Variants in ADRA1B observed in about 807,000 individuals in gnomAD.
The protein encoded by ADRA1B is adrenoceptor alpha 1B.
Under a neutral mutation model 17.9 loss-of-function variants are expected in ADRA1B, and 17 were observed. That is an observed-to-expected ratio of 0.95 (90% CI 0.65 to 1.42). ADRA1B has a LOEUF of 1.42. ADRA1B is among the 40% of genes most tolerant of loss of function. The pLI is 0.00. For synonymous variants in ADRA1B, 366 were observed against 327.6 expected, an observed-to-expected ratio of 1.12 and a Z score of -1.27; for missense variants, 681 against 722.1, an observed-to-expected ratio of 0.94 and a Z score of 0.65.
At position 159,951,189 on chromosome 5, in the gene ADRA1B, T is replaced by C. The variant is rs1330211517; in HGVS notation, c.950-20690T>C. ...TGCAAGTCAGCCCCAGCCTTCTCCA[T>C]GGTGAAAGACGCTGGTGGACTTCAC... On this transcript the variant is annotated intron_variant, in intron 1 of 1. Coordinates refer to ENST00000306675, the MANE Select transcript of ADRA1B (RefSeq NM_000679.4). The C allele has an allele frequency of 3.9e-6, 3 of 767,664 alleles. No individual in the cohort carries two copies. The Admixed American group carries it at 5.1e-5, about 13-fold the overall frequency. 47.6% of individuals were successfully genotyped at this position (767,664 alleles called of 1,614,324 possible).
chr5:159,938,638 A>G (rs1162152183), intron 1 of ADRA1B, among the ~76,000 whole-genome samples: 1 of 152,250 alleles, frequency 6.6e-6, no homozygotes, highest in Non-Finnish European at 1.5e-5. Context: ...TCAAAGACTA[A>G]TGGGTCATTT....
chr5:159,943,226 A>G (rs1012157861), intron 1 of ADRA1B, among the ~76,000 whole-genome samples: 5 of 151,792 alleles, frequency 3.3e-5, no homozygotes, highest in Non-Finnish European at 7.4e-5. Context: ...AAAAAAAAAC[A>G]ATGAAAAATG....
intron 1 of ADRA1B, among the ~76,000 whole-genome samples, chr5:159,940,594 C>T (rs1447010893): frequency 6.6e-6 from 1 of 152,142 alleles, no homozygotes; most frequent in African/African-American, 2.4e-5. Flanking sequence ...AGTTCCTATA[C>T]CTGTCTCAAT....
Position 159,916,784 on chromosome 5 carries a change from C to G in ADRA1B, c.-122C>G, listed in dbSNP as rs1488411979. ...GCTGCCCGGGGGAGATGACTCCTCGCCAGGAGGGCGCCTCTGGGAAGAAGA... is the reference window on the plus strand; with the variant it reads ...GCTGCCCGGGGGAGATGACTCCTCGGCAGGAGGGCGCCTCTGGGAAGAAGA... On this transcript the variant is annotated 5_prime_UTR_variant, in exon 1 of 2. Transcript: ENST00000306675. The G allele has an allele frequency of 1.2e-5, 12 of 980,018 alleles. No individual in the cohort carries two copies. The highest frequency in any genetic ancestry group is 1.6e-5 in the Non-Finnish European group (11 of 667,896). The allele number at this position is 980,018 out of a possible 1,614,324, so 60.7% of individuals were successfully genotyped here.
the ADRA1B span, among the ~76,000 whole-genome samples, chr5:159,986,292 T>C: frequency 6.6e-6 from 1 of 152,196 alleles, no homozygotes; most frequent in African/African-American, 2.4e-5. Flanking sequence ...AGAGCCCCAC[T>C]ATGTTGCCTA....
chr5:159,979,298 T>A, the ADRA1B span, among the ~76,000 whole-genome samples: 9 of 152,272 alleles, frequency 5.9e-5, no homozygotes, highest in Non-Finnish European at 1.3e-4. Context: ...TAGTTGTGTC[T>A]TCTTGGGCAT....
chr5:159,880,902 G>A (rs993860217), intron 1 of ADRA1B, among the ~76,000 whole-genome samples: 1 of 152,162 alleles, frequency 6.6e-6, no homozygotes, highest in Admixed American at 6.5e-5. Flanking sequence ...TTCTAGGTTA[G>A]GTAAATATCA....
chr5:159,924,952 C>T (rs1754603081), intron 1 of ADRA1B, among the ~76,000 whole-genome samples: 1 of 152,212 alleles, frequency 6.6e-6, no homozygotes, highest in Non-Finnish European at 1.5e-5. Context: ...AGTTCTTTCT[C>T]TGTATTCCCT....
chr5:159,902,186 G>A (rs1754107616), intron 1 of ADRA1B, among the ~76,000 whole-genome samples: 1 of 152,230 alleles, frequency 6.6e-6, no homozygotes, highest in Admixed American at 6.5e-5. Context: ...TCTGATGCAT[G>A]CTACAACATG....
chr5:159,941,011 C>T (rs1755109181), intron 1 of ADRA1B, among the ~76,000 whole-genome samples: 2 of 152,210 alleles, frequency 1.3e-5, no homozygotes, highest in Admixed American at 1.3e-4. Context: ...GTGACAAGAG[C>T]TAACTTGGAG....
chr5:159,921,157 C>T (rs1754468639), intron 1 of ADRA1B, among the ~76,000 whole-genome samples: 1 of 152,160 alleles, frequency 6.6e-6, no homozygotes, highest in Non-Finnish European at 1.5e-5. Context: ...CAGAGCAGGG[C>T]CTCTTGTCTC....
At chr5:159,954,924 G>A (rs1755523234) in intron 1 of ADRA1B, among the ~76,000 whole-genome samples, 2 of 152,116 alleles carry the variant, frequency 1.3e-5, no homozygotes, top group African/African-American at 4.8e-5. Flanking sequence ...CTGCTACCTG[G>A]AAGGTTTCCC....
rs1755871222 is a variant in ADRA1B at position 159,971,828 on chromosome 5, A to G, written c.950-51A>G. On this transcript the variant is annotated intron_variant, in intron 1 of 1. Transcript: ENST00000306675. ...AGCATATTGGGGCGAGAGCTTGACTACTCACAAATTGCTGTCTTTCTGCCC... is the reference window on the plus strand; with the variant it reads ...AGCATATTGGGGCGAGAGCTTGACTGCTCACAAATTGCTGTCTTTCTGCCC... 2.3e-6 allele frequency: 3 copies of G among 1,294,454 alleles called. No individual in the cohort carries two copies. In the South Asian group the frequency reaches 9.4e-5, roughly 41 times the overall value. 80.2% of individuals were successfully genotyped at this position (1,294,454 alleles called of 1,614,324 possible). A position where few individuals can be genotyped will look rare whatever the true frequency, so the allele number is the denominator to read the frequency against.
intron 1 of ADRA1B, among the ~76,000 whole-genome samples, chr5:159,923,232 T>G (rs1443186241): frequency 6.6e-6 from 1 of 152,290 alleles, no homozygotes; most frequent in East Asian, 1.9e-4. Flanking sequence ...CTTTAGATTT[T>G]TATCTTAAGT....
chr5:159,948,129 C>A, intron 1 of ADRA1B: 1 of 985,426 alleles, frequency 1.0e-6, no homozygotes, highest in South Asian at 4.7e-5. Context: ...TCAATCCATA[C>A]CAGTTCCCTG....
At chr5:159,914,786 C>T (rs898376606), upstream of ADRA1B, among the ~76,000 whole-genome samples, 4 of 152,204 alleles carry the variant, frequency 2.6e-5, no homozygotes, top group Non-Finnish European at 4.4e-5. Context: ...TTTCCCCACC[C>T]GTGAATATCA....
the ADRA1B span, among the ~76,000 whole-genome samples, chr5:159,987,932 T>A: frequency 6.6e-6 from 1 of 152,014 alleles, no homozygotes; most frequent in Non-Finnish European, 1.5e-5. Flanking sequence ...ATGCCCCCCC[T>A]CGGCCGGCCG....
At chr5:159,923,741 G>A (rs1447757241) in intron 1 of ADRA1B, among the ~76,000 whole-genome samples, 1 of 152,282 alleles carries the variant, frequency 6.6e-6, no homozygotes, top group Non-Finnish European at 1.5e-5. Flanking sequence ...GGAGGGGGCT[G>A]TTTTTAAAAG....
intron 1 of ADRA1B, among the ~76,000 whole-genome samples, chr5:159,902,491 AT>A (rs1029032342): frequency 6.6e-6 from 1 of 152,034 alleles, no homozygotes. Flanking sequence ...TTTAACCACC[AT>A]TTAAAAAAAA....
Sources: allele counts gnomAD v4.1 joint callset (sites outside exome capture counted in the v4.1 genomes callset), GRCh38; gene constraint gnomAD v4.1.1; transcripts MANE v1.5; gene names NCBI Gene and HGNC (gene_info 2026-07-23, HGNC 2026-07-21).